Variants in SUCLG2 observed in about 807,000 individuals in gnomAD.
The protein encoded by SUCLG2 is succinate-CoA ligase GDP-forming subunit beta.
In SUCLG2, 42 loss-of-function variants were observed where a neutral mutation model predicts 47.9. The observed-to-expected ratio is 0.88, with a 90% CI of 0.69 to 1.14. SUCLG2 has a LOEUF of 1.14. Among genes scored for constraint, SUCLG2 ranks in the 50% most tolerant of loss-of-function variants. SUCLG2 has a pLI of 0.00. For missense variants in SUCLG2, 571 were observed against 525.9 expected, an observed-to-expected ratio of 1.09 and a Z score of -0.84; for synonymous variants, 195 against 197.3, an observed-to-expected ratio of 0.99 and a Z score of 0.10.
intron 1 of SUCLG2, among the ~76,000 whole-genome samples, chr3:67,627,848 G>A (rs964646281): frequency 1.3e-5 from 2 of 152,130 alleles, no homozygotes; most frequent in Admixed American, 6.5e-5. Flanking sequence ...CAGCCTTTCC[G>A]AAAACTCTAG....
At chr3:67,610,903 C>A (rs1700516303) in intron 1 of SUCLG2, among the ~76,000 whole-genome samples, 1 of 152,064 alleles carries the variant, frequency 6.6e-6, no homozygotes, top group Non-Finnish European at 1.5e-5. Flanking sequence ...AGCTCTATAC[C>A]CCCACTACTA....
At chr3:67,508,769 T>G in intron 7 of SUCLG2, 38 bp downstream of exon 7, 3 of 1,438,550 alleles carry the variant, frequency 2.1e-6, no homozygotes, top group Non-Finnish European at 2.9e-6. Flanking sequence ...ATAATTATAA[T>G]ACATTCATTT....
Position 67,379,984 on chromosome 3 carries a change from G to A in SUCLG2, c.1184-4125C>T, listed in dbSNP as rs889530887. ...GCTTACTGGATACCTCCCAATATCC[G>A]TTAGCTAGCAGTACGTGCTGACCGA... On this transcript the variant is annotated intron_variant, in intron 10 of 10. Coordinates refer to ENST00000307227, the MANE Select transcript of SUCLG2 (RefSeq NM_003848.4). Among the ~76,000 whole-genome samples the A allele has an allele frequency of 5.9e-5, 9 of 152,136 alleles. No individual in the cohort carries two copies. The East Asian group carries it at 7.7e-4, about 13-fold the overall frequency.
At chr3:67,532,718 A>C (rs1294291874) in intron 2 of SUCLG2, among the ~76,000 whole-genome samples, 1 of 152,210 alleles carries the variant, frequency 6.6e-6, no homozygotes, top group Non-Finnish European at 1.5e-5. Flanking sequence ...AAACTTATAA[A>C]TATGTAAGAC....
At chr3:67,364,737 A>C (rs547407841) in intron 10 of SUCLG2, among the ~76,000 whole-genome samples, 3 of 152,324 alleles carry the variant, frequency 2.0e-5, no homozygotes, top group Non-Finnish European at 4.4e-5. Flanking sequence ...TCAGAAAGTA[A>C]CATCCACAAT....
chr3:67,495,793 G>C lies in SUCLG2; in HGVS notation c.1062+5C>G. The C allele has an allele frequency of 6.2e-7, 1 of 1,613,356 alleles. No individual in the cohort carries two copies. Among genetic ancestry groups the C allele is most frequent in the South Asian group, 1.1e-5 (1 of 91,050 alleles). On this transcript the variant is annotated splice_donor_5th_base_variant and intron_variant, in intron 9 of 10. Transcript: ENST00000307227. Reference sequence around the variant, plus strand: ...ATATAATCTCCCTACAAAGAGAAAGGTTACCTTAGGATCAGCTGTGAGCAA... The same window carrying C: ...ATATAATCTCCCTACAAAGAGAAAGCTTACCTTAGGATCAGCTGTGAGCAA...
chr3:67,375,678 C>T lies in SUCLG2; in HGVS notation c.*66G>A. 6.6e-7 allele frequency: 1 copy of T among 1,512,264 alleles called. No homozygotes were observed. The allele number at this position is 1,512,264 out of a possible 1,614,324, so 93.7% of individuals were successfully genotyped here. A position where few individuals can be genotyped will look rare whatever the true frequency, so the allele number is the denominator to read the frequency against. On this transcript the variant is annotated 3_prime_UTR_variant, in exon 11 of 11. Transcript: ENST00000307227. ...CCCAATGAGATAACCATTTCTTTCA[C>T]AATGATGAACCATCCCTTTTTACGG...
chr3:67,512,318 G>C (rs1248184652), intron 6 of SUCLG2, among the ~76,000 whole-genome samples: 1 of 151,068 alleles, frequency 6.6e-6, no homozygotes, highest in Non-Finnish European at 1.5e-5. Flanking sequence ...TAAAATTTGA[G>C]TTAAAGTGCG....
chr3:67,406,955 C>T (rs1702826716), intron 9 of SUCLG2, among the ~76,000 whole-genome samples: 1 of 152,150 alleles, frequency 6.6e-6, no homozygotes, highest in Admixed American at 6.5e-5. Context: ...CACCACAGCA[C>T]ATGCAGGGCA....
chr3:67,581,985 C>G (rs1245034597), intron 2 of SUCLG2, among the ~76,000 whole-genome samples: 1 of 152,104 alleles, frequency 6.6e-6, no homozygotes, highest in Non-Finnish European at 1.5e-5. Context: ...AATTAAGAAG[C>G]CAAATTAGGA....
intron 1 of SUCLG2, among the ~76,000 whole-genome samples, chr3:67,639,949 T>C (rs1401071948): frequency 6.6e-6 from 1 of 152,194 alleles, no homozygotes; most frequent in East Asian, 1.9e-4. Context: ...TCAGTTTATT[T>C]ATGATGTTTA....
At chr3:67,646,113 G>C (rs2362454) in intron 1 of SUCLG2, among the ~76,000 whole-genome samples, 46,157 of 132,398 alleles carry the variant, frequency 0.35, 8,859 homozygotes, top group African/African-American at 0.39. Context: ...GGGGAGGAGA[G>C]GGGAGGGGAG....
intron 9 of SUCLG2, among the ~76,000 whole-genome samples, chr3:67,437,279 G>A (rs925391465): frequency 6.6e-6 from 1 of 152,128 alleles, no homozygotes; most frequent in Non-Finnish European, 1.5e-5. Flanking sequence ...GATTACACAA[G>A]AGCCTGAACA....
intron 2 of SUCLG2, among the ~76,000 whole-genome samples, chr3:67,556,958 G>T (rs142546119): frequency 6.6e-6 from 1 of 152,148 alleles, no homozygotes; most frequent in African/African-American, 2.4e-5. Context: ...AACATAAATC[G>T]TAAAGTAGAA....
chr3:67,424,838 C>T (rs545225716), intron 9 of SUCLG2, among the ~76,000 whole-genome samples: 3 of 152,176 alleles, frequency 2.0e-5, no homozygotes, highest in African/African-American at 7.2e-5. Context: ...CAAGATTTGG[C>T]CCCATTTTAT....
chr3:67,629,136 G>A (rs1700885080), intron 1 of SUCLG2, among the ~76,000 whole-genome samples: 1 of 152,178 alleles, frequency 6.6e-6, no homozygotes, highest in South Asian at 2.1e-4. Context: ...TTAAGCACTG[G>A]CAAAGACAGA....
intron 9 of SUCLG2, among the ~76,000 whole-genome samples, chr3:67,431,473 G>C (rs572604504): frequency 6.6e-6 from 1 of 152,134 alleles, no homozygotes; most frequent in Admixed American, 6.5e-5. Flanking sequence ...CAATAGCAAA[G>C]ACTTGGAACC....
At chr3:67,471,658 A>G (rs1215218759) in intron 9 of SUCLG2, among the ~76,000 whole-genome samples, 2 of 152,120 alleles carry the variant, frequency 1.3e-5, no homozygotes, top group Admixed American at 1.3e-4. Context: ...GATGATGAAG[A>G]AGAAGAAGGC....
chr3:67,454,961 C>CA lies in SUCLG2; in HGVS notation c.1062+40836dup, dbSNP rs61683854. On this transcript the variant is annotated intron_variant, in intron 9 of 10. Coordinates refer to ENST00000307227, the MANE Select transcript of SUCLG2 (RefSeq NM_003848.4). ...TGGGCGACAGAGTGAGACTCCGTCT[C>CA]AAAAAAAAAAAAAAAAAAAAGAAAA... is the stretch of plus-strand genomic sequence containing the variant. Among the ~76,000 whole-genome samples the CA allele has an allele frequency of 6.8e-3, 761 of 111,496 alleles. 12 individuals carry two copies. The highest frequency in any genetic ancestry group is 0.018 in the African/African-American group (502 of 27,576). The allele number at this position is 111,496 out of a possible 152,430, so 73.1% of individuals were successfully genotyped here.
Sources: gnomAD v4.1 joint callset for allele counts (sites outside exome capture counted in the v4.1 genomes callset) on GRCh38, gnomAD v4.1.1 for gene constraint, MANE v1.5 for transcripts, NCBI Gene and HGNC (gene_info 2026-07-23, HGNC 2026-07-21) for gene names.